CTIF: variants seen among roughly 807,000 people sequenced by gnomAD.
The protein encoded by CTIF is cap binding complex dependent translation initiation factor, also known as CBP80/20-dependent translation initiation factor.
CTIF carries 21 observed loss-of-function variants against 66.0 expected under a neutral mutation model. That is an observed-to-expected ratio of 0.32 (90% CI 0.23 to 0.46). The LOEUF is 0.46. Among genes scored for constraint, CTIF ranks in the 20% least tolerant of loss-of-function variants. CTIF has a pLI of 1.00. For missense variants in CTIF, 739 were observed against 812.7 expected (o/e 0.91, Z 1.10); for synonymous variants, 345 against 326.4 (o/e 1.06, Z -0.62).
intron 9 of CTIF, among the ~76,000 whole-genome samples, chr18:48,764,051 C>T (rs1453454543): frequency 6.6e-6 from 1 of 152,130 alleles, no homozygotes; most frequent in Non-Finnish European, 1.5e-5. Context: ...CCTCCCAGTA[C>T]ACCCTGCATG....
intron 1 of CTIF, among the ~76,000 whole-genome samples, chr18:48,591,372 G>A (rs1200644365): frequency 6.6e-6 from 1 of 152,230 alleles, no homozygotes; most frequent in African/African-American, 2.4e-5. Flanking sequence ...GGAGCTCTGA[G>A]CAGGACACAT....
intron 3 of CTIF, among the ~76,000 whole-genome samples, chr18:48,646,511 C>T (rs1225741237): frequency 2.6e-5 from 4 of 151,804 alleles, no homozygotes; most frequent in Non-Finnish European, 5.9e-5. Context: ...CTCTGGGAGG[C>T]CGAGGCGGGT....
At chr18:48,730,391 TGTGTGAGGGGCTTCCACG>T (rs1282447161) in intron 7 of CTIF, among the ~76,000 whole-genome samples, 2 of 52,212 alleles carry the variant, frequency 3.8e-5, no homozygotes, top group East Asian at 2.1e-3. Flanking sequence ...GGGCTCCTGC[TGTGTGAGGGGCTTCCACG>T]GTGTGTGGGG....
rs747522179 is a variant in CTIF, at chr18:48,636,631, C to T, written c.198C>T (p.Ser66=). 2.5e-6 allele frequency: 4 copies of T among 1,590,318 alleles called. No homozygotes were observed. Among genetic ancestry groups the T allele is most frequent in the South Asian group, 1.2e-5 (1 of 86,818 alleles). The change falls in exon 3 of 12, where the codon AGC becomes AGT. Residue 66 remains serine, a synonymous_variant. Transcript: ENST00000256413. ...TTCTGCAGTGGACAGCGGACTGCAG[C>T]GAACCGCTGGACAGCAGCTGTTCCT... The part of the protein sequence containing the change: ...SHISQWTADC[S]EPLDSSCSFS...
At position 48,637,119 on chromosome 18, in the gene CTIF, C is replaced by T. The variant is rs2090837424; in HGVS notation, c.252+434C>T. On this transcript the variant is annotated intron_variant, in intron 3 of 11. Transcript: ENST00000256413. ...GGGTGCTTTGGATATCACTTCTGCT[C>T]CAGATCTGCAGAAGGCCTGGGAGGG... Among the ~76,000 whole-genome samples, 3 of 152,186 alleles carry T rather than the reference C, an allele frequency of 2.0e-5. No homozygotes were observed. The South Asian group carries it at 6.2e-4, about 31-fold the overall frequency.
chr18:48,732,449 A>G (rs2092465020), intron 7 of CTIF, among the ~76,000 whole-genome samples: 1 of 151,884 alleles, frequency 6.6e-6, no homozygotes, highest in Non-Finnish European at 1.5e-5. Context: ...GGGGCTGACC[A>G]GCCGGACACT....
At chr18:48,641,600 T>C (rs1415178850) in intron 3 of CTIF, among the ~76,000 whole-genome samples, 1 of 152,186 alleles carries the variant, frequency 6.6e-6, no homozygotes, top group African/African-American at 2.4e-5. Context: ...AACAGAAGCA[T>C]AAAGAGAGTC....
At chr18:48,813,647 G>A (rs572149442) in intron 9 of CTIF, among the ~76,000 whole-genome samples, 1 of 152,342 alleles carries the variant, frequency 6.6e-6, no homozygotes, top group African/African-American at 2.4e-5. Flanking sequence ...CAATCTCCTA[G>A]TAACCTTTGC....
chr18:48,649,213 A>G (rs2091108795), intron 3 of CTIF, among the ~76,000 whole-genome samples: 1 of 152,166 alleles, frequency 6.6e-6, no homozygotes, highest in Non-Finnish European at 1.5e-5. Context: ...AAGGGAAGCC[A>G]TGACAGATGG....
chr18:48,727,134 A>G (rs551090835), intron 7 of CTIF, among the ~76,000 whole-genome samples: 1 of 152,190 alleles, frequency 6.6e-6, no homozygotes, highest in South Asian at 2.1e-4. Flanking sequence ...TGGGACAGGC[A>G]TAGGGTAACA....
intron 7 of CTIF, among the ~76,000 whole-genome samples, chr18:48,744,112 G>A (rs891890228): frequency 1.3e-5 from 2 of 152,118 alleles, no homozygotes; most frequent in Non-Finnish European, 2.9e-5. Context: ...GATGTGGGAG[G>A]GTTTGGCCAC....
chr18:48,599,189 G>T (rs2090043375), intron 1 of CTIF, among the ~76,000 whole-genome samples: 1 of 152,132 alleles, frequency 6.6e-6, no homozygotes, highest in Non-Finnish European at 1.5e-5. Context: ...TTGGCCCAGG[G>T]TGTGGCCGGG....
chr18:48,711,580 G>A, intron 6 of CTIF, 39 bp from the exon 7 acceptor site: 1 of 1,539,102 alleles, frequency 6.5e-7, no homozygotes, highest in Non-Finnish European at 9.0e-7. Context: ...TCTCTTTCAG[G>A]AGTTACTAAT....
intron 6 of CTIF, among the ~76,000 whole-genome samples, chr18:48,695,083 G>A (rs910764419): frequency 1.3e-4 from 20 of 152,210 alleles, no homozygotes; most frequent in African/African-American, 4.8e-4. Context: ...AGATTCACAT[G>A]AAGCAGCACA....
intron 1 of CTIF, among the ~76,000 whole-genome samples, chr18:48,552,415 T>C (rs1284215567): frequency 2.0e-5 from 3 of 152,200 alleles, no homozygotes; most frequent in East Asian, 3.9e-4. Flanking sequence ...CAAAATACCA[T>C]AGACTGAGTA....
intron 5 of CTIF, among the ~76,000 whole-genome samples, chr18:48,670,063 C>A (rs751963383): frequency 1.3e-5 from 2 of 151,492 alleles, no homozygotes; most frequent in Admixed American, 6.6e-5. Flanking sequence ...AGGGATGCAG[C>A]GGGGATTCAA....
intron 9 of CTIF, among the ~76,000 whole-genome samples, chr18:48,795,587 C>T (rs765812027): frequency 1.8e-4 from 27 of 152,184 alleles, no homozygotes; most frequent in Non-Finnish European, 3.4e-4. Flanking sequence ...CAAAGAGGCA[C>T]CTGCATCCCC....
intron 1 of CTIF, among the ~76,000 whole-genome samples, chr18:48,571,449 C>CT (rs1290337485): frequency 6.6e-6 from 1 of 152,250 alleles, no homozygotes; most frequent in Admixed American, 6.5e-5. Context: ...AGCCACCACA[C>CT]TCGGCCAGGT....
chr18:48,612,953 G>A (rs769518665), intron 1 of CTIF, among the ~76,000 whole-genome samples: 1 of 152,150 alleles, frequency 6.6e-6, no homozygotes, highest in Non-Finnish European at 1.5e-5. Context: ...GTTGGGTGCT[G>A]GGGGTGGAGA....
Sources: allele counts gnomAD v4.1 joint callset (sites outside exome capture counted in the v4.1 genomes callset), GRCh38; gene constraint gnomAD v4.1.1; transcripts MANE v1.5; gene names NCBI Gene and HGNC (gene_info 2026-07-23, HGNC 2026-07-21).